CSMD1: variants seen among roughly 807,000 people sequenced by gnomAD.
CSMD1 encodes CUB and Sushi multiple domains 1.
In CSMD1, 213 loss-of-function variants were observed where a neutral mutation model predicts 417.5. The ratio of observed to expected loss-of-function variants is 0.51; its 90% CI spans 0.46 to 0.57. CSMD1 has a LOEUF of 0.57. CSMD1 is among the 20% of genes least tolerant of loss of function. The pLI is 0.00. For missense variants in CSMD1, 6,923 were observed against 4,529.7 expected (o/e 1.53, Z -15.17); for synonymous variants, 2,862 against 1,736.8 (o/e 1.65, Z -16.11).
In CSMD1 at chr8:4,759,202, G is replaced by A. The variant is rs565899904; in HGVS notation, c.86-121644C>T. Reference sequence around the variant, plus strand: ...TCTTGTTAGTGTTGTCTTGACTTGAGGCCAGAGGCTCTGGTCTCTTTAACC... The same window carrying A: ...TCTTGTTAGTGTTGTCTTGACTTGAAGCCAGAGGCTCTGGTCTCTTTAACC... On this transcript the variant is annotated intron_variant, in intron 1 of 69. Coordinates refer to ENST00000635120, the MANE Select transcript of CSMD1 (RefSeq NM_033225.6). 1.1e-4 allele frequency among the ~76,000 whole-genome samples: 17 copies of A among 152,252 alleles called. No homozygotes were observed. In the South Asian group the frequency reaches 3.3e-3, roughly 30 times the overall value.
intron 3 of CSMD1, among the ~76,000 whole-genome samples, chr8:4,309,593 T>C (rs1376971819): frequency 6.6e-6 from 1 of 152,156 alleles, no homozygotes. Flanking sequence ...TGAAATTCCC[T>C]AATAGCACTC....
chr8:3,448,305 A>T (rs1431320393), intron 12 of CSMD1, among the ~76,000 whole-genome samples: 1 of 6,698 alleles, frequency 1.5e-4, no homozygotes, highest in Non-Finnish European at 4.2e-4. Context: ...AACTGGTGGG[A>T]AGGAAGGAAG....
intron 1 of CSMD1, among the ~76,000 whole-genome samples, chr8:4,800,684 G>C (rs761484410): frequency 6.6e-6 from 1 of 152,136 alleles, no homozygotes; most frequent in Non-Finnish European, 1.5e-5. Context: ...GGTCAGCTAC[G>C]TTGGGCTAAG....
intron 7 of CSMD1, among the ~76,000 whole-genome samples, chr8:3,654,342 G>C (rs1285964093): frequency 6.6e-6 from 1 of 152,140 alleles, no homozygotes; most frequent in Non-Finnish European, 1.5e-5. Flanking sequence ...AGTTTGAAAA[G>C]TTTGATGTCA....
chr8:3,198,639 G>T lies in CSMD1; in HGVS notation c.5194+1075C>A, dbSNP rs79737047. Among the ~76,000 whole-genome samples the T allele has an allele frequency of 9.7e-3, 1,480 of 152,220 alleles. 21 individuals are homozygous for T. Among genetic ancestry groups the T allele is most frequent in the African/African-American group, 0.033 (1,358 of 41,550 alleles). ...ATTCTCTTCCCATTACTCTTTAAAT[G>T]ATCTAATTGCTGAAAACTGAAGGGT... On this transcript the variant is annotated intron_variant, in intron 33 of 69. Transcript: ENST00000635120.
intron 11 of CSMD1, among the ~76,000 whole-genome samples, chr8:3,471,461 C>G (rs1012115480): frequency 2.0e-5 from 3 of 152,106 alleles, no homozygotes; most frequent in African/African-American, 7.2e-5. Flanking sequence ...TTCTATATAT[C>G]AAGTTTGGAA....
chr8:3,712,375 G>GGA (rs746268570), intron 6 of CSMD1, among the ~76,000 whole-genome samples: 10,290 of 112,236 alleles, frequency 0.092, 378 homozygotes, highest in East Asian at 0.11. Context: ...CAAAGAAACA[G>GGA]GAGAGAGAGA....
chr8:4,929,631 C>T (rs1337612208), intron 1 of CSMD1, among the ~76,000 whole-genome samples: 1 of 152,158 alleles, frequency 6.6e-6, no homozygotes, highest in Non-Finnish European at 1.5e-5. Flanking sequence ...TCACCATTTT[C>T]ATCTGATTCA....
intron 1 of CSMD1, among the ~76,000 whole-genome samples, chr8:4,739,897 G>A (rs943402988): frequency 7.9e-5 from 12 of 152,032 alleles, no homozygotes; most frequent in African/African-American, 1.7e-4. Flanking sequence ...ATTGACAGCC[G>A]TTTCTCCACC....
chr8:4,953,538 T>A (rs1466237548), intron 1 of CSMD1, among the ~76,000 whole-genome samples: 6 of 152,160 alleles, frequency 3.9e-5, no homozygotes, highest in Admixed American at 3.9e-4. Context: ...TGTGCCCTTA[T>A]AAACCTTTAT....
intron 17 of CSMD1, among the ~76,000 whole-genome samples, chr8:3,389,414 A>G (rs576862248): frequency 6.6e-6 from 1 of 152,306 alleles, no homozygotes; most frequent in South Asian, 2.1e-4. Context: ...AATGACATCC[A>G]GCTCCTAGCA....
chr8:4,795,097 G>C (rs748653223), intron 1 of CSMD1, among the ~76,000 whole-genome samples: 4 of 151,776 alleles, frequency 2.6e-5, no homozygotes, highest in African/African-American at 4.8e-5. Flanking sequence ...TGAAGAATCA[G>C]GTGGAATAGA....
intron 26 of CSMD1, among the ~76,000 whole-genome samples, chr8:3,234,840 C>T (rs56363038): frequency 4.6e-5 from 7 of 152,276 alleles, no homozygotes; most frequent in Admixed American, 3.9e-4. Context: ...CTTCCTGAAC[C>T]AGCATTTTAC....
rs192251755 is a variant in CSMD1, at chr8:4,847,278, A to C, written c.85+147054T>G. 9.7e-4 allele frequency among the ~76,000 whole-genome samples: 148 copies of C among 152,328 alleles called. 2 individuals are homozygous for C. Among genetic ancestry groups the C allele is most frequent in the South Asian group, 9.5e-3 (46 of 4,824 alleles). On this transcript the variant is annotated intron_variant, in intron 1 of 69. Coordinates refer to ENST00000635120, the MANE Select transcript of CSMD1 (RefSeq NM_033225.6). ...ATATCTTTAGCACTTTAGAATCTCAAAGAAGATTTTAAGAGAATTGGCATA... is the reference window on the plus strand; with the variant it reads ...ATATCTTTAGCACTTTAGAATCTCACAGAAGATTTTAAGAGAATTGGCATA...
rs763479599 is a variant in CSMD1, at chr8:3,230,079, T to C, written c.4306A>G (p.Asn1436Asp). The C allele has an allele frequency of 6.2e-7, 1 of 1,611,692 alleles. No homozygotes were observed. The highest frequency in any genetic ancestry group is 8.5e-7 in the Non-Finnish European group (1 of 1,178,828). Reference sequence around the variant, plus strand: ...GGGTCTGGTTGCCAAAAGAACCGGTTATTCAGCTGCACACAGGTGATTTTG... The same window carrying C: ...GGGTCTGGTTGCCAAAAGAACCGGTCATTCAGCTGCACACAGGTGATTTTG... ...QAKITCVQLN[N>D]RFFWQPDPPT... Residue 1436 changes from asparagine to aspartate, a missense_variant, in exon 27 of 70, where the codon AAC becomes GAC. Coordinates refer to ENST00000635120, the MANE Select transcript of CSMD1 (RefSeq NM_033225.6).
intron 58 of CSMD1, 118 bp downstream of exon 58, chr8:2,966,451 CT>C: frequency 2.2e-6 from 2 of 928,836 alleles, no homozygotes; most frequent in Non-Finnish European, 3.1e-6. Flanking sequence ...ATAGTTTTCC[CT>C]TTTTTCCTCT....
chr8:3,676,231 T>A (rs756269705), intron 7 of CSMD1, among the ~76,000 whole-genome samples: 13 of 152,190 alleles, frequency 8.5e-5, no homozygotes, highest in Non-Finnish European at 1.9e-4. Context: ...AATACTAACC[T>A]TGGGGTCAGA....
At chr8:4,795,697 C>T (rs1797943989) in intron 1 of CSMD1, among the ~76,000 whole-genome samples, 1 of 152,126 alleles carries the variant, frequency 6.6e-6, no homozygotes, top group East Asian at 1.9e-4. Flanking sequence ...GAACTGGGAT[C>T]CGCAGATCCA....
chr8:3,871,829 A>G (rs1252072664), intron 5 of CSMD1, among the ~76,000 whole-genome samples: 2 of 152,222 alleles, frequency 1.3e-5, no homozygotes, highest in South Asian at 2.1e-4. Context: ...TGTGAAGGCT[A>G]TTACACAATT....
Sources: gnomAD v4.1 joint callset for allele counts (sites outside exome capture counted in the v4.1 genomes callset) on GRCh38, gnomAD v4.1.1 for gene constraint, MANE v1.5 for transcripts, NCBI Gene and HGNC (gene_info 2026-07-23, HGNC 2026-07-21) for gene names.